The following KAT6B variants were observed in gnomAD, a reference collection of about 807,000 sequenced individuals.
KAT6B encodes lysine acetyltransferase 6B.
In KAT6B, 10 loss-of-function variants were observed where a neutral mutation model predicts 187.5. The observed-to-expected ratio is 0.05, with a 90% CI of 0.03 to 0.09. The LOEUF (loss-of-function observed/expected upper bound fraction) is 0.09, where lower values mean the gene tolerates loss of function less well. Among genes scored for constraint, KAT6B ranks in the 10% least tolerant of loss-of-function variants. KAT6B has a pLI of 1.00. For missense variants in KAT6B, 1,952 were observed against 2,558.9 expected, an observed-to-expected ratio of 0.76 and a Z score of 5.12; for synonymous variants, 861 against 926.8, an observed-to-expected ratio of 0.93 and a Z score of 1.29.
At chr10:74,878,643 A>T (rs1844614013) in intron 3 of KAT6B, among the ~76,000 whole-genome samples, 1 of 149,368 alleles carries the variant, frequency 6.7e-6, no homozygotes, top group African/African-American at 2.5e-5. Context: ...AAAAAAAGAC[A>T]TTTGTTTTGG....
chr10:74,869,918 G>T (rs138382634), intron 3 of KAT6B, among the ~76,000 whole-genome samples: 2 of 152,298 alleles, frequency 1.3e-5, no homozygotes, highest in East Asian at 3.9e-4. Flanking sequence ...AAGGGCATCT[G>T]TGGTGATCAG....
intron 13 of KAT6B, among the ~76,000 whole-genome samples, chr10:75,019,025 C>T (rs1010773857): frequency 1.3e-5 from 2 of 152,166 alleles, no homozygotes; most frequent in Non-Finnish European, 2.9e-5. Flanking sequence ...AACACAGAGA[C>T]GTAGAGAGCT....
chr10:75,021,866 A>C lies in KAT6B; in HGVS notation c.3022-15A>C. The C allele has an allele frequency of 6.2e-7, 1 of 1,613,616 alleles. No individual in the cohort carries two copies. The highest frequency in any genetic ancestry group is 8.5e-7 in the Non-Finnish European group (1 of 1,179,922). ...TGCCCTCTCACTGGCCACCATTTTT[A>C]CCCTCCCCACTTAGGCTGAGCGGCT... On this transcript the variant is annotated splice_polypyrimidine_tract_variant and intron_variant, in intron 15 of 17. Coordinates refer to ENST00000287239, the MANE Select transcript of KAT6B (RefSeq NM_012330.4).
At position 74,976,087 on chromosome 10, in the gene KAT6B, A is replaced by G; in HGVS notation, c.1750A>G (p.Lys584Glu). The change falls in exon 8 of 18, where the codon AAA (lysine) becomes GAA (glutamate). Residue 584 changes from lysine to glutamate, a missense_variant. Lys to Glu is a moderately conservative substitution (Grantham distance 56). Around this residue, in one of 9 missense-constraint regions of KAT6B, gnomAD observed 417 missense variants for 508.9 expected, o/e 0.82. Coordinates refer to ENST00000287239, the MANE Select transcript of KAT6B (RefSeq NM_012330.4). Reference protein sequence around the residue: ...KTELSSTAKSKAHFFGKRDIR... With the variant: ...KTELSSTAKSEAHFFGKRDIR... ...TGAATTATCTTCCACGGCAAAATCT[A>G]AAGCCCACTTCTTTGGCAAAAGAGA... 6.2e-7 allele frequency: 1 copy of G among 1,614,204 alleles called. No individual in the cohort carries two copies. The highest frequency in any genetic ancestry group is 8.5e-7 in the Non-Finnish European group (1 of 1,180,044).
intron 13 of KAT6B, among the ~76,000 whole-genome samples, chr10:74,989,853 T>C (rs1843018616): frequency 6.6e-6 from 1 of 152,086 alleles, no homozygotes; most frequent in African/African-American, 2.4e-5. Context: ...AATATCTAGA[T>C]AACATGATGA....
At position 74,981,843 on chromosome 10, in the gene KAT6B, T is replaced by G. The variant is rs752070674; in HGVS notation, c.2288T>G (p.Ile763Ser). The change falls in exon 11 of 18, where the codon ATT becomes AGT. Residue 763 changes from isoleucine (I) to serine (S), a missense_variant. Coordinates refer to ENST00000287239, the MANE Select transcript of KAT6B (RefSeq NM_012330.4). ...FCLKYMKSKN[I>S]LLRHSKKCGW... ...CTTAAATATATGAAAAGTAAAAATATTTTGCTAAGACACTCCAAGAAGTGT... is the reference window on the plus strand; with the variant it reads ...CTTAAATATATGAAAAGTAAAAATAGTTTGCTAAGACACTCCAAGAAGTGT... 1.9e-6 allele frequency: 3 copies of G among 1,591,888 alleles called. No homozygotes were observed. Among genetic ancestry groups the G allele is most frequent in the Non-Finnish European group, 2.6e-6 (3 of 1,160,010 alleles).
chr10:74,930,493 T>C (rs1483837855), intron 3 of KAT6B, among the ~76,000 whole-genome samples: 1 of 152,196 alleles, frequency 6.6e-6, no homozygotes, highest in African/African-American at 2.4e-5. Flanking sequence ...GATTTAAATA[T>C]GTATGTATTT....
At chr10:75,026,369 G>A (rs1056256354) in intron 17 of KAT6B, among the ~76,000 whole-genome samples, 2 of 152,106 alleles carry the variant, frequency 1.3e-5, no homozygotes, top group Non-Finnish European at 2.9e-5. Flanking sequence ...GCTGAATCAT[G>A]AGGGTTTATG....
At chr10:74,899,185 A>G (rs1846206600) in intron 3 of KAT6B, among the ~76,000 whole-genome samples, 1 of 151,084 alleles carries the variant, frequency 6.6e-6, no homozygotes, top group Admixed American at 6.6e-5. Flanking sequence ...GTATCAATGA[A>G]TTCAAAGAAA....
At chr10:74,989,290 T>C (rs1822716183) in intron 13 of KAT6B, among the ~76,000 whole-genome samples, 178 bp downstream of exon 13, 1 of 152,226 alleles carries the variant, frequency 6.6e-6, no homozygotes, top group Admixed American at 6.5e-5. Flanking sequence ...GTACTGCTGC[T>C]CAGTGATTGT....
Position 74,959,982 on chromosome 10 carries a change from C to T in KAT6B, c.634C>T (p.Pro212Ser). 1 of 1,608,846 alleles carries T rather than the reference C, an allele frequency of 6.2e-7. No individual in the cohort carries two copies. Among genetic ancestry groups the T allele is most frequent in the South Asian group, 1.1e-5 (1 of 90,944 alleles). The change falls in exon 4 of 18, where the codon CCC becomes TCC. Residue 212 changes from proline (P) to serine (S), a missense_variant. Physicochemically the swap from Pro to Ser is moderately conservative, Grantham distance 74. This residue lies in a region of KAT6B where 218 missense variants were observed against 282.6 expected (regional missense o/e 0.77). Transcript: ENST00000287239. The part of the protein sequence containing the change: ...PHEKDQPRAD[P>S]IPICSFCLGT... ...AATTTTGTCATAGCCCCGTGCTGAT[C>T]CCATTCCAATATGTAGCTTCTGTTT... is the stretch of plus-strand genomic sequence containing the variant.
intron 3 of KAT6B, among the ~76,000 whole-genome samples, chr10:74,944,051 C>A (rs1421404950): frequency 2.0e-5 from 3 of 152,130 alleles, no homozygotes; most frequent in Non-Finnish European, 4.4e-5. Context: ...GTAAGGGATG[C>A]CCTTGGTATT....
In KAT6B at chr10:74,972,608, C is replaced by A. The variant is rs1049569566; in HGVS notation, c.1030C>A (p.Arg344=). Residue 344 remains arginine, a synonymous_variant, in exon 7 of 18, where the codon CGA becomes AGA. Transcript: ENST00000287239. ...IKRRYAKPIG[R]PKNKLKQRLL... The stretch of plus-strand genomic sequence containing the variant: ...ACGACGATATGCAAAACCCATTGGA[C>A]GACCGAAAAATAAATTAAAGCAACG... The A allele has an allele frequency of 2.5e-6, 4 of 1,612,936 alleles. No individual in the cohort carries two copies. The highest frequency in any genetic ancestry group is 1.7e-5 in the Admixed American group (1 of 59,950).
intron 3 of KAT6B, among the ~76,000 whole-genome samples, chr10:74,900,038 G>C (rs1846268963): frequency 6.6e-6 from 1 of 152,048 alleles, no homozygotes; most frequent in South Asian, 2.1e-4. Context: ...AGGATTCTTA[G>C]AGCAAAGTGT....
Position 74,904,717 on chromosome 10 carries a change from T to G in KAT6B, c.622-55253T>G, listed in dbSNP as rs2132816321. Among the ~76,000 whole-genome samples the G allele has an allele frequency of 1.3e-5, 2 of 152,374 alleles. 1 individual carries two copies. The highest frequency in any genetic ancestry group is 6.8e-3 in the Middle Eastern group (2 of 294). On this transcript the variant is annotated intron_variant, in intron 3 of 17. Transcript: ENST00000287239. ...GGCTTGGTTGGATATTTCACATCTCTGAAGTGACTACATAGTTCTTCTCAC... is the reference window on the plus strand; with the variant it reads ...GGCTTGGTTGGATATTTCACATCTCGGAAGTGACTACATAGTTCTTCTCAC...
Position 74,944,808 on chromosome 10 carries a change from CAAAAAAA to C in KAT6B, c.622-15143_622-15137del, listed in dbSNP as rs58164194. 1.9e-3 allele frequency among the ~76,000 whole-genome samples: 61 copies of C among 32,904 alleles called. 1 individual carries two copies. Among genetic ancestry groups the C allele is most frequent in the South Asian group, 3.4e-3 (2 of 596 alleles). 21.6% of individuals were successfully genotyped at this position (32,904 alleles called of 152,430 possible). On this transcript the variant is annotated intron_variant, in intron 3 of 17. Coordinates refer to ENST00000287239, the MANE Select transcript of KAT6B (RefSeq NM_012330.4). ...CGGGCGACAGAGCGAGACTCCGTCTCAAAAAAAAAAAAAAAAAAAAAAAAAGGATATG... is the reference window on the plus strand; with the variant it reads ...CGGGCGACAGAGCGAGACTCCGTCTCAAAAAAAAAAAAAAAAAAGGATATG...
chr10:74,943,917 G>A (rs1489379757), intron 3 of KAT6B, among the ~76,000 whole-genome samples: 1 of 152,180 alleles, frequency 6.6e-6, no homozygotes, highest in African/African-American at 2.4e-5. Context: ...CAAAGGACCT[G>A]TATCCAGTAT....
At chr10:75,019,609 G>T (rs1047423383) in intron 13 of KAT6B, among the ~76,000 whole-genome samples, 5 of 152,198 alleles carry the variant, frequency 3.3e-5, no homozygotes, top group African/African-American at 1.2e-4. Flanking sequence ...AACTTAGGAA[G>T]TTCATGAAGG....
intron 13 of KAT6B, among the ~76,000 whole-genome samples, chr10:74,992,469 A>G (rs1843178573): frequency 6.6e-6 from 1 of 152,268 alleles, no homozygotes; most frequent in African/African-American, 2.4e-5. Flanking sequence ...AGTTGGGCAG[A>G]ATCATCCAAC....
Sources: allele counts gnomAD v4.1 joint callset (sites outside exome capture counted in the v4.1 genomes callset), GRCh38; gene constraint gnomAD v4.1.1; regional missense constraint gnomAD v4.1.1; transcripts MANE v1.5; gene names NCBI Gene and HGNC (gene_info 2026-07-23, HGNC 2026-07-21).